The following PRKCE variants were observed in gnomAD, a reference collection of about 807,000 sequenced individuals.
PRKCE encodes protein kinase C epsilon type.
PRKCE carries 16 observed loss-of-function variants against 85.4 expected under a neutral mutation model. That is an observed-to-expected ratio of 0.19 (90% CI 0.13 to 0.28). PRKCE has a LOEUF of 0.28. Ranked by LOEUF, PRKCE falls within the 10% of genes least tolerant of loss-of-function variation. The pLI is 1.00. For missense variants in PRKCE, 573 were observed against 975.2 expected (o/e 0.59, Z 5.49); for synonymous variants, 388 against 371.5 (o/e 1.04, Z -0.51).
intron 2 of PRKCE, among the ~76,000 whole-genome samples, chr2:45,864,474 A>G (rs1169591585): frequency 1.4e-5 from 2 of 143,528 alleles, no homozygotes; most frequent in African/African-American, 5.1e-5. Flanking sequence ...AAGAAACATA[A>G]AACATTGTAA....
At chr2:45,802,287 A>ATAAATAAAGTATGCAT (rs1328657027) in intron 1 of PRKCE, among the ~76,000 whole-genome samples, 1 of 152,158 alleles carries the variant, frequency 6.6e-6, no homozygotes, top group African/African-American at 2.4e-5. Context: ...AAATAAGCAA[A>ATAAATAAAGTATGCAT]TAAATAAAGT....
chr2:45,948,605 C>G (rs1236707672), intron 2 of PRKCE, among the ~76,000 whole-genome samples: 1 of 152,202 alleles, frequency 6.6e-6, no homozygotes, highest in Non-Finnish European at 1.5e-5. Flanking sequence ...CAGCACTGCA[C>G]TCTAGCCTGG....
intron 2 of PRKCE, among the ~76,000 whole-genome samples, chr2:45,971,237 T>A (rs1702088567): frequency 1.3e-5 from 2 of 152,206 alleles, no homozygotes; most frequent in Admixed American, 1.3e-4. Context: ...TTCAACCACG[T>A]TAGATTCCTC....
intron 1 of PRKCE, among the ~76,000 whole-genome samples, chr2:45,836,460 C>T (rs1241256838): frequency 2.0e-5 from 3 of 152,264 alleles, no homozygotes; most frequent in South Asian, 2.1e-4. Context: ...CACCCCGCAG[C>T]TGCTGCTGAG....
At chr2:46,161,020 G>C (rs1011137976) in intron 14 of PRKCE, among the ~76,000 whole-genome samples, 3 of 152,182 alleles carry the variant, frequency 2.0e-5, no homozygotes, top group Non-Finnish European at 2.9e-5. Context: ...CACAAGCTTG[G>C]GACAGCCCAG....
chr2:45,736,059 T>G (rs1170383108), intron 1 of PRKCE, among the ~76,000 whole-genome samples: 1 of 152,078 alleles, frequency 6.6e-6, no homozygotes, highest in Non-Finnish European at 1.5e-5. Context: ...CTCCTGGGTT[T>G]AAGCAATCCT....
At chr2:45,683,746 AGATAAACG>A (rs534878823) in intron 1 of PRKCE, among the ~76,000 whole-genome samples, 11 of 152,204 alleles carry the variant, frequency 7.2e-5, no homozygotes, top group Non-Finnish European at 1.5e-4. Flanking sequence ...AAATATAACA[AGATAAACG>A]GTCCCAGGCA....
At position 45,953,404 on chromosome 2, in the gene PRKCE, AT is replaced by A. The variant is rs544552573; in HGVS notation, c.413-23022del. On this transcript the variant is annotated intron_variant, in intron 2 of 14. Coordinates refer to ENST00000306156, the MANE Select transcript of PRKCE (RefSeq NM_005400.3). ...CAGGGCACTTTTCATACGCTTTTCA[AT>A]TTGGATAGAACATCCTCCTTGCTCT... Among the ~76,000 whole-genome samples, 904 of 152,292 alleles carry A rather than the reference AT, an allele frequency of 5.9e-3. 1 individual carries two copies. Among genetic ancestry groups the A allele is most frequent in the Non-Finnish European group, 8.6e-3 (586 of 68,030 alleles).
intron 11 of PRKCE, among the ~76,000 whole-genome samples, chr2:46,110,118 TA>T (rs769397765): frequency 8.5e-5 from 13 of 152,186 alleles, no homozygotes; most frequent in Admixed American, 1.3e-4. Flanking sequence ...TCTTTGCATC[TA>T]TGATCATGAG....
At chr2:45,983,377 G>C (rs538420439) in intron 5 of PRKCE, among the ~76,000 whole-genome samples, 1 of 152,310 alleles carries the variant, frequency 6.6e-6, no homozygotes, top group African/African-American at 2.4e-5. Context: ...GGGGTAGCAA[G>C]AGTGATCTCC....
Position 45,885,002 on chromosome 2 carries a change from T to TATATTTTTGTTG in PRKCE, c.412+41939_412+41940insATATTTTTGTTG, listed in dbSNP as rs1553440407. 2.0e-5 allele frequency among the ~76,000 whole-genome samples: 2 copies of TATATTTTTGTTG among 97,666 alleles called. 1 individual carries two copies. The highest frequency in any genetic ancestry group is 2.3e-4 in the Admixed American group (2 of 8,636). 64.1% of individuals were successfully genotyped at this position (97,666 alleles called of 152,430 possible). A position where few individuals can be genotyped will look rare whatever the true frequency, so the allele number is the denominator to read the frequency against. On this transcript the variant is annotated intron_variant, in intron 2 of 14. Transcript: ENST00000306156. ...ATATATATATATATATATATATATA[T>TATATTTTTGTTG]TTGTTGTTGTTGTTGTTGTTTTACC...
chr2:45,701,975 C>G (rs593743), intron 1 of PRKCE, among the ~76,000 whole-genome samples: 118,236 of 152,104 alleles, frequency 0.78, 46,549 homozygotes, highest in African/African-American at 0.91. Context: ...GATCACCTGA[C>G]GTCAGGAGTT....
intron 1 of PRKCE, among the ~76,000 whole-genome samples, chr2:45,810,050 C>T (rs1688543535): frequency 6.6e-6 from 1 of 151,188 alleles, no homozygotes; most frequent in Admixed American, 6.6e-5. Flanking sequence ...TAAAGGATAA[C>T]TTTTTTTGAG....
At chr2:45,854,937 A>G (rs1573619479) in intron 2 of PRKCE, among the ~76,000 whole-genome samples, 1 of 152,228 alleles carries the variant, frequency 6.6e-6, no homozygotes, top group East Asian at 1.9e-4. Flanking sequence ...GTATGGAAAA[A>G]GTCTCCAATA....
At chr2:45,798,008 C>T (rs1046724947) in intron 1 of PRKCE, among the ~76,000 whole-genome samples, 1 of 152,182 alleles carries the variant, frequency 6.6e-6, no homozygotes. Context: ...TCATTTTATA[C>T]TCCTGTGAGG....
At position 45,950,501 on chromosome 2, in the gene PRKCE, A is replaced by G. The variant is rs373507835; in HGVS notation, c.413-25928A>G. ...CATTCTAATTTTGAGGATGGCAGAT[A>G]AAGATGTCACAGCACATTTGCATGA... On this transcript the variant is annotated intron_variant, in intron 2 of 14. Coordinates refer to ENST00000306156, the MANE Select transcript of PRKCE (RefSeq NM_005400.3). 1.3e-3 allele frequency among the ~76,000 whole-genome samples: 191 copies of G among 152,320 alleles called. 1 individual carries two copies. In the South Asian group the frequency reaches 0.033, roughly 27 times the overall value.
chr2:46,088,983 A>T (rs576858710), intron 11 of PRKCE, among the ~76,000 whole-genome samples: 3 of 152,246 alleles, frequency 2.0e-5, no homozygotes, highest in Admixed American at 6.5e-5. Flanking sequence ...CATTTTAGGT[A>T]CTCCAAAACT....
At chr2:45,761,668 G>A (rs530835111) in intron 1 of PRKCE, among the ~76,000 whole-genome samples, 107 of 152,084 alleles carry the variant, frequency 7.0e-4, no homozygotes, top group African/African-American at 2.5e-3. Context: ...CTCCCCTCTC[G>A]CACCCTCCTC....
At chr2:46,097,383 G>A (rs1336804999) in intron 11 of PRKCE, among the ~76,000 whole-genome samples, 1 of 152,094 alleles carries the variant, frequency 6.6e-6, no homozygotes, top group African/African-American at 2.4e-5. Context: ...AGCCGGGCGT[G>A]GTGGCGGGCG....
Sources: allele counts gnomAD v4.1 joint callset (sites outside exome capture counted in the v4.1 genomes callset), GRCh38; gene constraint gnomAD v4.1.1; transcripts MANE v1.5; gene names NCBI Gene and HGNC (gene_info 2026-07-23, HGNC 2026-07-21).